Variants in SSBP2 observed in about 807,000 individuals in gnomAD.
SSBP2 encodes the protein single-stranded DNA-binding protein 2.
SSBP2 carries 17 observed loss-of-function variants against 61.8 expected under a neutral mutation model. The observed-to-expected ratio is 0.28, with a 90% CI of 0.19 to 0.41. SSBP2 has a LOEUF of 0.41. SSBP2 is among the 10% of genes least tolerant of loss of function. The pLI is 1.00. For missense variants in SSBP2, 310 were observed against 458.7 expected (o/e 0.68, Z 2.96); for synonymous variants, 139 against 141.3 (o/e 0.98, Z 0.12).
intron 4 of SSBP2, among the ~76,000 whole-genome samples, chr5:81,604,555 G>A (rs1260493005): frequency 1.3e-5 from 2 of 151,954 alleles, no homozygotes. Context: ...TTATCCTTCT[G>A]CATTGTAAAA....
chr5:81,732,434 A>G (rs989282393), intron 1 of SSBP2, among the ~76,000 whole-genome samples: 2 of 152,210 alleles, frequency 1.3e-5, no homozygotes, highest in African/African-American at 4.8e-5. Context: ...AATGTTTTAA[A>G]TAAAATGATT....
chr5:81,490,972 CATTT>C (rs1201676145), intron 5 of SSBP2, among the ~76,000 whole-genome samples: 2 of 152,258 alleles, frequency 1.3e-5, no homozygotes, highest in African/African-American at 4.8e-5. Flanking sequence ...AGTTGTCTCT[CATTT>C]ATCATTTTGA....
At chr5:81,593,670 G>C (rs962450724) in intron 4 of SSBP2, among the ~76,000 whole-genome samples, 3 of 152,338 alleles carry the variant, frequency 2.0e-5, no homozygotes, top group East Asian at 1.9e-4. Flanking sequence ...AGCCAGAAGA[G>C]AGTGGGGACC....
intron 2 of SSBP2, among the ~76,000 whole-genome samples, chr5:81,647,877 T>G (rs974290223): frequency 1.3e-5 from 2 of 152,174 alleles, no homozygotes; most frequent in African/African-American, 4.8e-5. Flanking sequence ...ATCTAGTTAT[T>G]TGCTTAATCC....
chr5:81,649,505 A>T (rs1031440839), intron 2 of SSBP2, among the ~76,000 whole-genome samples: 1 of 152,072 alleles, frequency 6.6e-6, no homozygotes, highest in Admixed American at 6.6e-5. Context: ...ATAATAATAA[A>T]CAAATTAACA....
At chr5:81,474,993 G>T (rs904142035) in intron 6 of SSBP2, among the ~76,000 whole-genome samples, 1 of 152,144 alleles carries the variant, frequency 6.6e-6, no homozygotes, top group African/African-American at 2.4e-5. Flanking sequence ...AGGGACGAAT[G>T]AAAATTGTTT....
At chr5:81,695,504 C>T (rs1753536391) in intron 1 of SSBP2, among the ~76,000 whole-genome samples, 1 of 129,078 alleles carries the variant, frequency 7.7e-6, no homozygotes, top group Non-Finnish European at 1.6e-5. Context: ...CCCCCCTCCC[C>T]CCACCCCACG....
chr5:81,660,759 A>G (rs1750613708), intron 1 of SSBP2, among the ~76,000 whole-genome samples: 1 of 152,202 alleles, frequency 6.6e-6, no homozygotes, highest in Non-Finnish European at 1.5e-5. Context: ...AACAAACCCA[A>G]ATGACCATCA....
chr5:81,697,625 C>G (rs1409084937), intron 1 of SSBP2, among the ~76,000 whole-genome samples: 2 of 152,134 alleles, frequency 1.3e-5, no homozygotes, highest in East Asian at 3.8e-4. Context: ...CCCAAATATT[C>G]TTAATCTTAT....
At chr5:81,554,855 G>A (rs1047548437) in intron 4 of SSBP2, among the ~76,000 whole-genome samples, 4 of 152,050 alleles carry the variant, frequency 2.6e-5, no homozygotes, top group African/African-American at 9.7e-5. Flanking sequence ...TGACTTAAGA[G>A]ATAAACTTTG....
intron 4 of SSBP2, among the ~76,000 whole-genome samples, chr5:81,603,054 A>G (rs1388876829): frequency 6.6e-6 from 1 of 152,194 alleles, no homozygotes; most frequent in Non-Finnish European, 1.5e-5. Flanking sequence ...AAATTCTGTT[A>G]TGATTACCTA....
intron 11 of SSBP2, among the ~76,000 whole-genome samples, chr5:81,448,354 C>T (rs1763540224): frequency 6.6e-6 from 1 of 152,102 alleles, no homozygotes; most frequent in African/African-American, 2.4e-5. Flanking sequence ...TGAAATGATT[C>T]CTCTAAATTA....
intron 1 of SSBP2, among the ~76,000 whole-genome samples, chr5:81,676,655 C>A (rs1420857623): frequency 1.3e-5 from 2 of 152,154 alleles, no homozygotes; most frequent in South Asian, 2.1e-4. Flanking sequence ...TATTTCTTAA[C>A]CGTGAAGCCT....
At chr5:81,567,882 G>C (rs556615482) in intron 4 of SSBP2, among the ~76,000 whole-genome samples, 1 of 151,982 alleles carries the variant, frequency 6.6e-6, no homozygotes, top group Admixed American at 6.5e-5. Flanking sequence ...CCTTTGTTTT[G>C]GCCAATTTCT....
intron 10 of SSBP2, among the ~76,000 whole-genome samples, chr5:81,449,569 G>A (rs754356398): frequency 6.6e-6 from 1 of 152,038 alleles, no homozygotes; most frequent in African/African-American, 2.4e-5. Context: ...AGACAGCCAG[G>A]GCCAGAATAG....
rs1044401902 is a variant in SSBP2 at position 81,595,609 on chromosome 5, T to C, written c.282+19864A>G. ...AATCCTCAATAAAATACTGGCAAAC[T>C]GAATCCAGCAGCACATCAAAAAGCT... On this transcript the variant is annotated intron_variant, in intron 4 of 16. Transcript: ENST00000320672. 1.6e-4 allele frequency among the ~76,000 whole-genome samples: 24 copies of C among 152,228 alleles called. No homozygotes were observed. In the East Asian group the frequency reaches 3.9e-3, roughly 24 times the overall value.
chr5:81,500,187 T>C (rs942265491), intron 5 of SSBP2, among the ~76,000 whole-genome samples: 8 of 152,226 alleles, frequency 5.3e-5, no homozygotes, highest in Non-Finnish European at 1.0e-4. Flanking sequence ...TAAGATGGTA[T>C]TGAACTAGGT....
At position 81,702,569 on chromosome 5, in the gene SSBP2, A is replaced by G. The variant is rs145281650; in HGVS notation, c.62+48412T>C. 2.1e-4 allele frequency among the ~76,000 whole-genome samples: 32 copies of G among 152,334 alleles called. No homozygotes were observed. The East Asian group carries it at 5.8e-3, about 28-fold the overall frequency. ...ACACAATGCCATAAGTTCTGAAAAAATGCAGGAATGCTATTTTTTTTTGAA... is the reference window on the plus strand; with the variant it reads ...ACACAATGCCATAAGTTCTGAAAAAGTGCAGGAATGCTATTTTTTTTTGAA... On this transcript the variant is annotated intron_variant, in intron 1 of 16. Transcript: ENST00000320672.
chr5:81,623,831 T>C (rs1162160378), intron 3 of SSBP2, among the ~76,000 whole-genome samples: 16 of 152,176 alleles, frequency 1.1e-4, no homozygotes, highest in Admixed American at 1.0e-3. Context: ...CCTTTATGGA[T>C]TTAGTGGAAG....
Sources: allele counts gnomAD v4.1 joint callset (sites outside exome capture counted in the v4.1 genomes callset), GRCh38; gene constraint gnomAD v4.1.1; transcripts MANE v1.5; gene names NCBI Gene and HGNC (gene_info 2026-07-23, HGNC 2026-07-21).